Variants in TRIP4 observed in about 807,000 individuals in gnomAD.
The protein encoded by TRIP4 is activating signal cointegrator 1.
In TRIP4, 54 loss-of-function variants were observed where a neutral mutation model predicts 81.8. The ratio of observed to expected loss-of-function variants is 0.66; its 90% confidence interval spans 0.53 to 0.83. TRIP4 has a LOEUF of 0.83. TRIP4 is among the 40% of genes least tolerant of loss of function. The pLI, the probability that TRIP4 is intolerant of heterozygous loss-of-function variation, is 0.00. For missense variants in TRIP4, 662 were observed against 683.6 expected (o/e 0.97, Z 0.35); for synonymous variants, 270 against 242.8 (o/e 1.11, Z -1.04).
chr15:64,425,538 A>G lies in TRIP4; in HGVS notation c.1484-2A>G. ...TCAATATTTTTGTTATTCCTGATTC[A>G]GATGTGGAATTTCCTAATGACTATC... On this transcript the variant is annotated splice_acceptor_variant, in intron 10 of 12. Coordinates refer to ENST00000261884, the MANE Select transcript of TRIP4 (RefSeq NM_016213.5). LOFTEE classifies it high-confidence loss of function. 3.1e-6 allele frequency: 5 copies of G among 1,606,260 alleles called. No individual in the cohort carries two copies. The highest frequency in any genetic ancestry group is 1.1e-5 in the South Asian group (1 of 88,696).
chr15:64,425,111 G>A (rs1036236053), intron 10 of TRIP4, among the ~76,000 whole-genome samples: 3 of 151,844 alleles, frequency 2.0e-5, no homozygotes, highest in Admixed American at 6.6e-5. Context: ...GATATGGACT[G>A]GCTTGTTTTA....
intron 11 of TRIP4, among the ~76,000 whole-genome samples, chr15:64,434,262 G>A (rs1406795885): frequency 6.6e-6 from 1 of 152,080 alleles, no homozygotes; most frequent in Non-Finnish European, 1.5e-5. Context: ...AGCTGGGCGT[G>A]GTGGCGCATG....
chr15:64,391,212 A>C (rs1386489977), intron 1 of TRIP4, among the ~76,000 whole-genome samples: 1 of 151,288 alleles, frequency 6.6e-6, no homozygotes, highest in Admixed American at 6.6e-5. Flanking sequence ...GCTGGAGTGC[A>C]GTGGCAGGAT....
intron 2 of TRIP4, 59 bp from the exon 3 acceptor site, chr15:64,395,339 A>C: frequency 6.8e-7 from 1 of 1,465,566 alleles, no homozygotes; most frequent in Non-Finnish European, 9.2e-7. Flanking sequence ...ATATTAGTTC[A>C]CCAGGAATCC....
At chr15:64,399,320 C>G (rs1891431799) in intron 4 of TRIP4, among the ~76,000 whole-genome samples, 1 of 152,000 alleles carries the variant, frequency 6.6e-6, no homozygotes, top group African/African-American at 2.4e-5. Context: ...AATGTAGTGT[C>G]TACCAATAAA....
chr15:64,451,558 G>A, intron 12 of TRIP4, among the ~76,000 whole-genome samples: 1 of 137,256 alleles, frequency 7.3e-6, no homozygotes, highest in East Asian at 2.1e-4. Context: ...TGCAACCTCT[G>A]CCTCCCTGGC....
chr15:64,428,939 G>A (rs1025599960), intron 11 of TRIP4, among the ~76,000 whole-genome samples: 1 of 152,016 alleles, frequency 6.6e-6, no homozygotes. Context: ...GTGTTTAAGG[G>A]TAGCATATGA....
At chr15:64,424,849 C>T (rs1381380680) in intron 10 of TRIP4, among the ~76,000 whole-genome samples, 2 of 152,168 alleles carry the variant, frequency 1.3e-5, no homozygotes, top group Non-Finnish European at 2.9e-5. Flanking sequence ...CATTTCTCCT[C>T]ACTGCAACTT....
In TRIP4 at chr15:64,431,855, T is replaced by TTTTTA. The variant is rs1281067687; in HGVS notation, c.1575+6224_1575+6225insTTTTA. ...ATTATATATATATATATATTTTTTT[T>TTTTTA]ATCCAAAGAGCATTGTGTTTTCTTT... is the stretch of plus-strand genomic sequence containing the variant. On this transcript the variant is annotated intron_variant, in intron 11 of 12. Transcript: ENST00000261884. Among the ~76,000 whole-genome samples, 7 of 131,754 alleles carry TTTTTA rather than the reference T, an allele frequency of 5.3e-5. 1 individual carries two copies. The highest frequency in any genetic ancestry group is 3.2e-5 in the Non-Finnish European group (2 of 61,984). 86.4% of individuals were successfully genotyped at this position (131,754 alleles called of 152,430 possible).
intron 4 of TRIP4, among the ~76,000 whole-genome samples, chr15:64,399,980 A>T (rs1248662226): frequency 6.6e-6 from 1 of 151,662 alleles, no homozygotes; most frequent in African/African-American, 2.4e-5. Flanking sequence ...GCTCAAAAAA[A>T]AAAAAAGAAA....
chr15:64,431,523 G>A (rs1417422415), intron 11 of TRIP4, among the ~76,000 whole-genome samples: 1 of 151,896 alleles, frequency 6.6e-6, no homozygotes, highest in East Asian at 1.9e-4. Flanking sequence ...CCAACATGGT[G>A]AAACCCTGTC....
intron 11 of TRIP4, among the ~76,000 whole-genome samples, chr15:64,426,086 G>GA (rs200258067): frequency 7.5e-5 from 11 of 146,932 alleles, no homozygotes; most frequent in South Asian, 4.3e-4. Context: ...CCTTCTGGGG[G>GA]AAAAAAAAAA....
At position 64,443,060 on chromosome 15, in the gene TRIP4, C is replaced by T. The variant is rs572756714; in HGVS notation, c.1576-1946C>T. On this transcript the variant is annotated intron_variant, in intron 11 of 12. Coordinates refer to ENST00000261884, the MANE Select transcript of TRIP4 (RefSeq NM_016213.5). The stretch of plus-strand genomic sequence containing the variant: ...TTAGCAGCATGGAAGTCAACAGTGA[C>T]CTTTACAAGAATGATTTTGATGGAA... Among the ~76,000 whole-genome samples the T allele has an allele frequency of 2.6e-5, 4 of 151,272 alleles. No individual in the cohort carries two copies. The South Asian group carries it at 8.4e-4, about 32-fold the overall frequency.
At chr15:64,398,424 C>CAAA (rs745672952) in intron 4 of TRIP4, among the ~76,000 whole-genome samples, 300 of 16,272 alleles carry the variant, frequency 0.018, 13 homozygotes, top group African/African-American at 0.042. Context: ...CCTGTCTCTA[C>CAAA]AAAAAAAAAA....
intron 11 of TRIP4, among the ~76,000 whole-genome samples, chr15:64,429,422 G>T (rs970717703): frequency 1.3e-5 from 2 of 152,156 alleles, no homozygotes; most frequent in African/African-American, 4.8e-5. Flanking sequence ...TAGGAATAAT[G>T]GCTCTTGACT....
chr15:64,455,128 T>G lies in TRIP4; in HGVS notation c.*64T>G. ...GTGTACTAAAATTGCTATCTACTGGTCCTTTGGAATTGAAGTAGTAGAAAC... is the reference window on the plus strand; with the variant it reads ...GTGTACTAAAATTGCTATCTACTGGGCCTTTGGAATTGAAGTAGTAGAAAC... On this transcript the variant is annotated 3_prime_UTR_variant, in exon 13 of 13. Coordinates refer to ENST00000261884, the MANE Select transcript of TRIP4 (RefSeq NM_016213.5). 1 of 1,463,014 alleles carries G rather than the reference T, an allele frequency of 6.8e-7. No homozygotes were observed. Among genetic ancestry groups the G allele is most frequent in the South Asian group, 1.2e-5 (1 of 81,850 alleles). 90.6% of individuals were successfully genotyped at this position (1,463,014 alleles called of 1,614,324 possible).
chr15:64,411,643 AG>A (rs1566976514), intron 7 of TRIP4, among the ~76,000 whole-genome samples: 1 of 151,594 alleles, frequency 6.6e-6, no homozygotes, highest in Non-Finnish European at 1.5e-5. Flanking sequence ...TAAACAAAAA[AG>A]TTACAACTTT....
At chr15:64,411,288 C>T (rs1013642192) in intron 7 of TRIP4, among the ~76,000 whole-genome samples, 4 of 152,150 alleles carry the variant, frequency 2.6e-5, no homozygotes, top group South Asian at 2.1e-4. Flanking sequence ...CAGGAGTGAA[C>T]GCTAATGTAA....
At chr15:64,410,627 G>A (rs1472624592) in intron 7 of TRIP4, among the ~76,000 whole-genome samples, 1 of 151,884 alleles carries the variant, frequency 6.6e-6, no homozygotes, top group African/African-American at 2.4e-5. Context: ...CAATATAAAG[G>A]GATCAGAAAG....
Sources: allele counts gnomAD v4.1 joint callset (sites outside exome capture counted in the v4.1 genomes callset), GRCh38; gene constraint gnomAD v4.1.1; transcripts MANE v1.5; gene names NCBI Gene and HGNC (gene_info 2026-07-23, HGNC 2026-07-21).